Variants in ARID5B observed in about 807,000 individuals in gnomAD.
ARID5B encodes AT-rich interaction domain 5B, also known as AT-rich interactive domain-containing protein 5B.
In ARID5B, 13 loss-of-function variants were observed where a neutral mutation model predicts 97.2. The ratio of observed to expected loss-of-function variants is 0.13; its 90% confidence interval spans 0.09 to 0.21. ARID5B has a LOEUF of 0.21. ARID5B is among the 10% of genes least tolerant of loss of function. The pLI, the probability that ARID5B is intolerant of heterozygous loss-of-function variation, is 1.00. For missense variants in ARID5B, 1,210 were observed against 1,465.3 expected (o/e 0.83, Z 2.84); for synonymous variants, 556 against 570.3 (o/e 0.97, Z 0.36).
chr10:61,936,195 T>A (rs1844296366), intron 2 of ARID5B, among the ~76,000 whole-genome samples: 1 of 152,266 alleles, frequency 6.6e-6, no homozygotes, highest in African/African-American at 2.4e-5. Context: ...GTTTACTTAA[T>A]GCCTATGTTC....
At chr10:61,971,081 TTAAG>T (rs1838620828) in intron 3 of ARID5B, among the ~76,000 whole-genome samples, 1 of 152,156 alleles carries the variant, frequency 6.6e-6, no homozygotes, top group Non-Finnish European at 1.5e-5. Context: ...GATTTATCTG[TTAAG>T]TGTATTTGGC....
intron 8 of ARID5B, among the ~76,000 whole-genome samples, chr10:62,077,524 C>A (rs559868897): frequency 4.5e-5 from 6 of 132,736 alleles, no homozygotes; most frequent in East Asian, 4.4e-4. Flanking sequence ...TTTGTTTGAC[C>A]CCCCCCAAAA....
chr10:62,049,449 G>A (rs2132929153), intron 4 of ARID5B: 3 of 1,550,504 alleles, frequency 1.9e-6, no homozygotes, highest in Non-Finnish European at 2.6e-6. Context: ...ATGAGCACAG[G>A]CATCAGTCAG....
rs528266001 is a variant in ARID5B, at chr10:62,085,188, T to G, written c.1200-514T>G. ...TAATAATAATACTCCATAGGGATAT[T>G]GTGGAGTTTACATAAAATAATCTTT... On this transcript the variant is annotated intron_variant, in intron 8 of 9. Coordinates refer to ENST00000279873, the MANE Select transcript of ARID5B (RefSeq NM_032199.3). 7.4e-4 allele frequency among the ~76,000 whole-genome samples: 113 copies of G among 152,344 alleles called. 1 individual carries two copies. The highest frequency in any genetic ancestry group is 1.0e-3 in the South Asian group (5 of 4,828).
chr10:62,022,232 G>A (rs887638472), intron 4 of ARID5B, among the ~76,000 whole-genome samples: 16 of 152,206 alleles, frequency 1.1e-4, no homozygotes, highest in African/African-American at 3.9e-4. Context: ...TCTCTAGATG[G>A]TGTGCGGATT....
chr10:62,031,879 T>C (rs1387389226), intron 4 of ARID5B, among the ~76,000 whole-genome samples: 1 of 152,168 alleles, frequency 6.6e-6, no homozygotes, highest in Non-Finnish European at 1.5e-5. Context: ...TTTCAATTGA[T>C]GATAAGAAAA....
intron 2 of ARID5B, among the ~76,000 whole-genome samples, chr10:61,930,728 A>AATAAATAAATAAATAG (rs1274108901): frequency 2.7e-5 from 4 of 150,638 alleles, no homozygotes; most frequent in African/African-American, 9.8e-5. Context: ...TCAAAAAATA[A>AATAAATAAATAAATAG]ATAAATAAAT....
intron 3 of ARID5B, among the ~76,000 whole-genome samples, chr10:61,949,257 C>G (rs1367102039): frequency 6.6e-6 from 1 of 152,184 alleles, no homozygotes; most frequent in Non-Finnish European, 1.5e-5. Context: ...ATGTTGTTCT[C>G]TTGGACTTAA....
At chr10:61,917,439 T>C (rs1446544065) in intron 2 of ARID5B, among the ~76,000 whole-genome samples, 1 of 152,102 alleles carries the variant, frequency 6.6e-6, no homozygotes, top group Non-Finnish European at 1.5e-5. Flanking sequence ...TGATTCTCTC[T>C]ACGTCAGCCC....
At position 61,940,447 on chromosome 10, in the gene ARID5B, G is replaced by A. The variant is rs748866905; in HGVS notation, c.502+39G>A. The A allele has an allele frequency of 1.9e-5, 29 of 1,539,688 alleles. No homozygotes were observed. In the Middle Eastern group the frequency reaches 5.1e-4, roughly 27 times the overall value. On this transcript the variant is annotated intron_variant, in intron 3 of 9. Coordinates refer to ENST00000279873, the MANE Select transcript of ARID5B (RefSeq NM_032199.3). The stretch of plus-strand genomic sequence containing the variant: ...GTAATTTTAAATCTAATGTGTGGGC[G>A]TATATAGTAACTTTTCGGTTGAAGA...
chr10:61,950,180 G>A (rs1231154272), intron 3 of ARID5B, among the ~76,000 whole-genome samples: 3 of 152,138 alleles, frequency 2.0e-5, no homozygotes, highest in African/African-American at 2.4e-5. Context: ...GCTAATTTTT[G>A]TATTTTTAGT....
Position 61,909,538 on chromosome 10 carries a change from G to T in ARID5B, c.276+7125G>T, listed in dbSNP as rs560103014. Among the ~76,000 whole-genome samples, 20 of 151,940 alleles carry T rather than the reference G, an allele frequency of 1.3e-4. No homozygotes were observed. The East Asian group carries it at 2.7e-3, about 21-fold the overall frequency. On this transcript the variant is annotated intron_variant, in intron 2 of 9. Transcript: ENST00000279873. ...GACGGGGTTTCACCATGTTGGCCAG[G>T]ATGGTCCCGATCTCCTGACCTCGTG... is the stretch of plus-strand genomic sequence containing the variant.
At chr10:62,008,575 G>C (rs1328837911) in intron 4 of ARID5B, among the ~76,000 whole-genome samples, 1 of 152,208 alleles carries the variant, frequency 6.6e-6, no homozygotes, top group East Asian at 1.9e-4. Context: ...CACTGGACTG[G>C]AATCAAGAAA....
chr10:61,922,149 G>A (rs1844026666), intron 2 of ARID5B, among the ~76,000 whole-genome samples: 1 of 152,248 alleles, frequency 6.6e-6, no homozygotes, highest in African/African-American at 2.4e-5. Context: ...ATGTCAACAA[G>A]CCATATCGGG....
intron 3 of ARID5B, among the ~76,000 whole-genome samples, chr10:61,986,215 G>A (rs1589246920): frequency 6.6e-6 from 1 of 152,098 alleles, no homozygotes. Flanking sequence ...ATGACCTTGG[G>A]CAAGTCATTC....
chr10:62,089,331 T>TA (rs1840335666), intron 9 of ARID5B, among the ~76,000 whole-genome samples: 1 of 151,854 alleles, frequency 6.6e-6, no homozygotes, highest in African/African-American at 2.4e-5. Flanking sequence ...GTTTTTTTTT[T>TA]AAAGGGATTT....
rs974293978 is a variant in ARID5B at position 62,095,314 on chromosome 10, G to A, written c.*2284G>A. The A allele has an allele frequency of 3.0e-5, 7 of 233,446 alleles. No homozygotes were observed. The allele number at this position is 233,446 out of a possible 1,614,324, so 14.5% of individuals were successfully genotyped here. A position where few individuals can be genotyped will look rare whatever the true frequency, so the allele number is the denominator to read the frequency against. On this transcript the variant is annotated 3_prime_UTR_variant, in exon 10 of 10. Transcript: ENST00000279873. Reference sequence around the variant, plus strand: ...GGACATGGAAGAAAAAGGAAACTTCGGTGGTTCTGCAGCAGACATGGGCTA... The same window carrying A: ...GGACATGGAAGAAAAAGGAAACTTCAGTGGTTCTGCAGCAGACATGGGCTA...
intron 2 of ARID5B, among the ~76,000 whole-genome samples, chr10:61,939,916 T>C (rs928153399): frequency 6.6e-6 from 1 of 152,242 alleles, no homozygotes; most frequent in African/African-American, 2.4e-5. Context: ...ACATTAAAAA[T>C]GGCTTATTAG....
intron 4 of ARID5B, among the ~76,000 whole-genome samples, chr10:62,003,787 A>G (rs1839112833): frequency 1.3e-5 from 2 of 152,104 alleles, no homozygotes; most frequent in Non-Finnish European, 2.9e-5. Flanking sequence ...CTGAAAATAG[A>G]CTTTGCATTA....
Sources: allele counts gnomAD v4.1 joint callset (sites outside exome capture counted in the v4.1 genomes callset), GRCh38; gene constraint gnomAD v4.1.1; transcripts MANE v1.5; gene names NCBI Gene and HGNC (gene_info 2026-07-23, HGNC 2026-07-21).